Variants in LY86 observed in about 807,000 individuals in gnomAD.
The protein encoded by LY86 is lymphocyte antigen 86, also known as MD-1, RP105-associated.
Under a neutral mutation model 17.3 loss-of-function variants are expected in LY86, and 20 were observed. That is an observed-to-expected ratio of 1.15 (90% CI 0.81 to 1.68). LY86 has a LOEUF of 1.68. Among genes scored for constraint, LY86 ranks in the 40% most tolerant of loss-of-function variants. The pLI is 0.00. For missense variants in LY86, 200 were observed against 191.9 expected (o/e 1.04, Z -0.25); for synonymous variants, 74 against 70.6 (o/e 1.05, Z -0.24).
At chr6:6,600,569 G>C (rs1457441803) in intron 1 of LY86, among the ~76,000 whole-genome samples, 1 of 112,882 alleles carries the variant, frequency 8.9e-6, no homozygotes, top group Non-Finnish European at 1.7e-5. Context: ...CAGCCTGAGA[G>C]ACAGAGTGAG....
At chr6:6,589,235 C>A (rs541019904) in intron 1 of LY86, among the ~76,000 whole-genome samples, 15 of 152,324 alleles carry the variant, frequency 9.8e-5, no homozygotes, top group African/African-American at 3.6e-4. Context: ...GTAGGCCCTT[C>A]CTCAACACCG....
chr6:6,641,719 T>A (rs554489031), intron 3 of LY86, among the ~76,000 whole-genome samples: 1 of 151,946 alleles, frequency 6.6e-6, no homozygotes, highest in African/African-American at 2.4e-5. Flanking sequence ...TCATCCATGG[T>A]CTTGGTATAC....
At chr6:6,614,438 G>A (rs376603734) in intron 1 of LY86, among the ~76,000 whole-genome samples, 1 of 143,564 alleles carries the variant, frequency 7.0e-6, no homozygotes, top group Non-Finnish European at 1.5e-5. Context: ...ATTGCTCTCC[G>A]CCCGAGCACA....
At position 6,649,693 on chromosome 6, in the gene LY86, C is replaced by T. The variant is rs770562293; in HGVS notation, c.405+16C>T. 1.4e-6 allele frequency: 2 copies of T among 1,460,514 alleles called. No homozygotes were observed. The highest frequency in any genetic ancestry group is 1.9e-6 in the Non-Finnish European group (2 of 1,047,516). The allele number at this position is 1,460,514 out of a possible 1,614,324, so 90.5% of individuals were successfully genotyped here. A position where few individuals can be genotyped will look rare whatever the true frequency, so the allele number is the denominator to read the frequency against. On this transcript the variant is annotated intron_variant, in intron 4 of 4. Transcript: ENST00000230568. ...TATTCCTCAGGTAAGATATTACTTACTTCTTGTATTAAATAGTTTGTTTCT... is the reference window on the plus strand; with the variant it reads ...TATTCCTCAGGTAAGATATTACTTATTTCTTGTATTAAATAGTTTGTTTCT...
In LY86 at chr6:6,654,890, T is replaced by C. The variant is rs1368250873; in HGVS notation, c.*263T>C. 1 of 418,810 alleles carries C rather than the reference T, an allele frequency of 2.4e-6. No individual in the cohort carries two copies. The highest frequency in any genetic ancestry group is 4.2e-6 in the Non-Finnish European group (1 of 236,098). The allele number at this position is 418,810 out of a possible 1,614,324, so 25.9% of individuals were successfully genotyped here. A position where few individuals can be genotyped will look rare whatever the true frequency, so the allele number is the denominator to read the frequency against. On this transcript the variant is annotated 3_prime_UTR_variant, in exon 5 of 5. Coordinates refer to ENST00000230568, the MANE Select transcript of LY86 (RefSeq NM_004271.4). ...CAGTCTTGAGGGTCCATCCTTTTTC[T>C]CTAATTGGTCGCCTCCCACCAGACT...
intron 1 of LY86, among the ~76,000 whole-genome samples, chr6:6,596,790 T>G (rs1038002239): frequency 2.0e-5 from 3 of 152,104 alleles, no homozygotes; most frequent in Admixed American, 6.5e-5. Context: ...TCCTCTGGGT[T>G]TCCATTGGTG....
chr6:6,611,583 CT>C (rs1761333750), intron 1 of LY86, among the ~76,000 whole-genome samples: 1 of 152,236 alleles, frequency 6.6e-6, no homozygotes, highest in Admixed American at 6.5e-5. Flanking sequence ...GCCTCCACAG[CT>C]TCCAAGGCAA....
intron 1 of LY86, among the ~76,000 whole-genome samples, chr6:6,604,043 C>CA (rs1215291725): frequency 3.3e-5 from 5 of 151,986 alleles, no homozygotes; most frequent in African/African-American, 1.2e-4. Flanking sequence ...CTTCATAGTT[C>CA]AAAAAAATCT....
chr6:6,617,368 G>A (rs1291008034), intron 1 of LY86, among the ~76,000 whole-genome samples: 1 of 152,174 alleles, frequency 6.6e-6, no homozygotes, highest in Non-Finnish European at 1.5e-5. Flanking sequence ...AAATGAAGAG[G>A]GGCAGGCAAG....
Position 6,650,390 on chromosome 6 carries a change from A to G in LY86, c.405+713A>G, listed in dbSNP as rs567152038. 1.0e-3 allele frequency among the ~76,000 whole-genome samples: 151 copies of G among 148,740 alleles called. 1 individual carries two copies. Among genetic ancestry groups the G allele is most frequent in the Non-Finnish European group, 1.8e-3 (123 of 67,612 alleles). On this transcript the variant is annotated intron_variant, in intron 4 of 4. Transcript: ENST00000230568. ...TGTTCTGCCTCCCAGGCTGGAGTGC[A>G]GGGGCATGATCTCAGCTCACTGCAA...
intron 1 of LY86, among the ~76,000 whole-genome samples, chr6:6,612,337 G>C (rs963642540): frequency 6.6e-6 from 1 of 152,204 alleles, no homozygotes; most frequent in African/African-American, 2.4e-5. Context: ...GACCCTCGCA[G>C]TAAGCATTAC....
At chr6:6,608,035 T>A (rs1366278164) in intron 1 of LY86, among the ~76,000 whole-genome samples, 1 of 152,192 alleles carries the variant, frequency 6.6e-6, no homozygotes, top group Non-Finnish European at 1.5e-5. Flanking sequence ...GAAATACACC[T>A]AAAATATAGA....
intron 1 of LY86, among the ~76,000 whole-genome samples, chr6:6,611,782 CA>C (rs1761343481): frequency 6.9e-6 from 1 of 145,508 alleles, no homozygotes; most frequent in Non-Finnish European, 1.5e-5. Flanking sequence ...GCCTATCAAA[CA>C]GTACGGGCTC....
At chr6:6,625,578 G>A (rs757705457) in intron 2 of LY86, among the ~76,000 whole-genome samples, 20 of 152,100 alleles carry the variant, frequency 1.3e-4, no homozygotes, top group Non-Finnish European at 2.8e-4. Flanking sequence ...GCTACTAGAC[G>A]ACCTCCTTTT....
chr6:6,604,208 T>G (rs1293695512), intron 1 of LY86, among the ~76,000 whole-genome samples: 2 of 152,014 alleles, frequency 1.3e-5, no homozygotes, highest in South Asian at 2.1e-4. Context: ...CAGTCCAAAA[T>G]TCAAAAAGAC....
At chr6:6,628,631 G>A (rs567335989) in intron 3 of LY86, among the ~76,000 whole-genome samples, 27 of 152,052 alleles carry the variant, frequency 1.8e-4, no homozygotes, top group African/African-American at 4.3e-4. Context: ...TGGGAGCATC[G>A]TGTTCCTACT....
chr6:6,633,340 T>C (rs1172191670), intron 3 of LY86, among the ~76,000 whole-genome samples: 1 of 152,238 alleles, frequency 6.6e-6, no homozygotes, highest in Non-Finnish European at 1.5e-5. Flanking sequence ...ATTAAAGCCA[T>C]AAAGTAAATA....
Position 6,649,620 on chromosome 6 carries a change from T to C in LY86, c.353-5T>C. The C allele has an allele frequency of 1.3e-6, 2 of 1,542,514 alleles. No homozygotes were observed. The highest frequency in any genetic ancestry group is 4.5e-5 in the East Asian group (2 of 44,464). On this transcript the variant is annotated splice_region_variant and splice_polypyrimidine_tract_variant and intron_variant, in intron 3 of 4. Coordinates refer to ENST00000230568, the MANE Select transcript of LY86 (RefSeq NM_004271.4). ...ACATCATCTATGCTTTATATATTTTTTCAGAGCAGATTTACTATGCTGGGC... is the reference window on the plus strand; with the variant it reads ...ACATCATCTATGCTTTATATATTTTCTCAGAGCAGATTTACTATGCTGGGC...
chr6:6,638,905 G>A (rs546022722), intron 3 of LY86, among the ~76,000 whole-genome samples: 11 of 145,758 alleles, frequency 7.5e-5, no homozygotes, highest in East Asian at 4.1e-4. Flanking sequence ...GAGAACATGC[G>A]CCCAGCCATC....
Sources: allele counts gnomAD v4.1 joint callset (sites outside exome capture counted in the v4.1 genomes callset), GRCh38; gene constraint gnomAD v4.1.1; transcripts MANE v1.5; gene names NCBI Gene and HGNC (gene_info 2026-07-23, HGNC 2026-07-21).